The following CTNNA3 variants were observed in gnomAD, a reference collection of about 807,000 sequenced individuals.
The protein encoded by CTNNA3 is catenin alpha 3, also known as catenin alpha-3.
Under a neutral mutation model 95.7 loss-of-function variants are expected in CTNNA3, and 76 were observed. The observed-to-expected ratio is 0.79, with a 90% CI of 0.66 to 0.96. The LOEUF (loss-of-function observed/expected upper bound fraction) is 0.96, where lower values mean the gene tolerates loss of function less well. Ranked by LOEUF, CTNNA3 falls within the 40% of genes least tolerant of loss-of-function variation. CTNNA3 has a pLI of 0.00. For synonymous variants in CTNNA3, 431 were observed against 374.4 expected (o/e 1.15, Z -1.74); for missense variants, 1,191 against 1,089.8 (o/e 1.09, Z -1.31).
intron 6 of CTNNA3, among the ~76,000 whole-genome samples, chr10:67,208,472 C>A (rs181128774): frequency 6.6e-6 from 1 of 151,478 alleles, no homozygotes; most frequent in Admixed American, 6.6e-5. Context: ...CAGTTGAAGA[C>A]TTAAAGAGCG....
intron 7 of CTNNA3, among the ~76,000 whole-genome samples, chr10:66,833,136 C>T (rs1032228928): frequency 6.6e-6 from 1 of 152,164 alleles, no homozygotes. Context: ...TTTGGATCTG[C>T]CATTCATGTT....
Position 67,735,053 on chromosome 10 carries a change from C to T in CTNNA3, c.-2+28381G>A, listed in dbSNP as rs149114503. 1.3e-4 allele frequency among the ~76,000 whole-genome samples: 20 copies of T among 151,604 alleles called. No homozygotes were observed. In the East Asian group the frequency reaches 3.1e-3, roughly 24 times the overall value. ...TGTTTCTAAAGGTACACAATGTCCT[C>T]GACACTGACACAGTAGGTCTAGAGC... is the stretch of plus-strand genomic sequence containing the variant. On this transcript the variant is annotated intron_variant, in intron 1 of 17. Coordinates refer to the CTNNA3 transcript ENST00000684154.
At position 67,409,502 on chromosome 10, in the gene CTNNA3, A is replaced by G. The variant is rs1314308761; in HGVS notation, c.579+112340T>C. Among the ~76,000 whole-genome samples, 6 of 151,932 alleles carry G rather than the reference A, an allele frequency of 3.9e-5. No homozygotes were observed. The South Asian group carries it at 8.3e-4, about 21-fold the overall frequency. On this transcript the variant is annotated intron_variant, in intron 5 of 17. Transcript: ENST00000433211. Reference sequence around the variant, plus strand: ...ATGCAGGAACAGAAAACGAAACACCATATGCTCTCACTTATAAGTGGGAGG... The same window carrying G: ...ATGCAGGAACAGAAAACGAAACACCGTATGCTCTCACTTATAAGTGGGAGG...
chr10:66,181,668 A>T (rs144118170), intron 13 of CTNNA3, among the ~76,000 whole-genome samples: 47 of 152,274 alleles, frequency 3.1e-4, no homozygotes, highest in African/African-American at 1.1e-3. Flanking sequence ...CACTGAACAC[A>T]CCCTGAGAAG....
At chr10:67,041,609 T>C (rs1428056419) in intron 7 of CTNNA3, among the ~76,000 whole-genome samples, 2 of 152,142 alleles carry the variant, frequency 1.3e-5, no homozygotes, top group Non-Finnish European at 2.9e-5. Context: ...AGCTGTATTG[T>C]CATTTTCAAA....
chr10:66,056,575 C>T (rs1196247557), intron 15 of CTNNA3, among the ~76,000 whole-genome samples: 1 of 152,114 alleles, frequency 6.6e-6, no homozygotes, highest in Non-Finnish European at 1.5e-5. Context: ...CCCTCCTCCT[C>T]ACATTTTAGA....
At chr10:67,587,244 G>C (rs1842662123) in intron 3 of CTNNA3, among the ~76,000 whole-genome samples, 1 of 103,572 alleles carries the variant, frequency 9.7e-6, no homozygotes, top group African/African-American at 3.1e-5. Context: ...TGTGTGTGTA[G>C]AGCCAGAGTC....
chr10:67,325,222 C>G (rs1049518309), intron 5 of CTNNA3, among the ~76,000 whole-genome samples: 1 of 151,864 alleles, frequency 6.6e-6, no homozygotes, highest in East Asian at 1.9e-4. Context: ...TTTCTCGTGT[C>G]TCAATCTCCT....
intron 12 of CTNNA3, among the ~76,000 whole-genome samples, chr10:66,350,467 C>G (rs1050081499): frequency 1.3e-5 from 2 of 151,826 alleles, no homozygotes; most frequent in Non-Finnish European, 2.9e-5. Context: ...ACGAATTTAT[C>G]TGAGTAAGGG....
chr10:67,173,757 A>G (rs930439796), intron 7 of CTNNA3, among the ~76,000 whole-genome samples: 3 of 152,226 alleles, frequency 2.0e-5, no homozygotes, highest in Admixed American at 2.0e-4. Context: ...TGTAACAAAC[A>G]ACTCTGAGTA....
chr10:67,568,908 T>C (rs531911171), intron 3 of CTNNA3, among the ~76,000 whole-genome samples: 5 of 152,242 alleles, frequency 3.3e-5, no homozygotes, highest in South Asian at 2.1e-4. Context: ...TTAACTGTTA[T>C]TATAACTTAA....
intron 9 of CTNNA3, among the ~76,000 whole-genome samples, chr10:66,662,067 T>C (rs977285840): frequency 2.0e-5 from 3 of 152,110 alleles, no homozygotes; most frequent in African/African-American, 7.2e-5. Context: ...AGTTGTTAAA[T>C]CCAAGAACTT....
chr10:66,217,690 AT>A (rs1385388180), intron 13 of CTNNA3, among the ~76,000 whole-genome samples: 1 of 152,078 alleles, frequency 6.6e-6, no homozygotes, highest in East Asian at 1.9e-4. Flanking sequence ...TATTTAGTTT[AT>A]TTTTGTTTGT....
intron 13 of CTNNA3, among the ~76,000 whole-genome samples, chr10:66,129,001 A>G (rs956769640): frequency 2.0e-5 from 3 of 152,164 alleles, no homozygotes; most frequent in African/African-American, 7.2e-5. Context: ...GCAGTGGCTC[A>G]TGCCTGAAAT....
intron 7 of CTNNA3, chr10:66,926,884 T>TG (rs775609114): frequency 1.3e-5 from 19 of 1,517,864 alleles, no homozygotes; most frequent in Admixed American, 4.5e-5. Flanking sequence ...AATTCTTTTT[T>TG]GGGGGGATAA....
At chr10:67,439,435 A>G (rs1323719776) in intron 5 of CTNNA3, among the ~76,000 whole-genome samples, 3 of 152,126 alleles carry the variant, frequency 2.0e-5, no homozygotes, top group African/African-American at 7.2e-5. Context: ...AAGCAAGCAC[A>G]TCTTACATGG....
chr10:67,464,374 C>A lies in CTNNA3; in HGVS notation c.579+57468G>T, dbSNP rs150119021. ...AAAAAGTACCTTGATCCCTTTAGAT[C>A]CCAATTATCTTTCTTGTGACTTTTC... On this transcript the variant is annotated intron_variant, in intron 5 of 17. Transcript: ENST00000433211. 4.3e-4 allele frequency among the ~76,000 whole-genome samples: 65 copies of A among 152,264 alleles called. No individual in the cohort carries two copies. In the East Asian group the frequency reaches 0.012, roughly 27 times the overall value.
intron 17 of CTNNA3, among the ~76,000 whole-genome samples, chr10:65,926,370 T>C (rs956771087): frequency 6.6e-6 from 1 of 152,092 alleles, no homozygotes; most frequent in African/African-American, 2.4e-5. Flanking sequence ...AGAGTGCCAC[T>C]GTGGAATTAT....
chr10:67,050,247 C>T (rs1855001718), intron 7 of CTNNA3, among the ~76,000 whole-genome samples: 1 of 152,188 alleles, frequency 6.6e-6, no homozygotes, highest in Admixed American at 6.5e-5. Context: ...GCATATCACA[C>T]CACACACAGT....
Sources: allele counts gnomAD v4.1 joint callset (sites outside exome capture counted in the v4.1 genomes callset), GRCh38; gene constraint gnomAD v4.1.1; transcripts MANE v1.5; gene names NCBI Gene and HGNC (gene_info 2026-07-23, HGNC 2026-07-21).